The following C12orf56 variants were observed in gnomAD, a reference collection of about 807,000 sequenced individuals.
The protein encoded by C12orf56 is uncharacterized protein C12orf56.
Under a neutral mutation model 69.9 loss-of-function variants are expected in C12orf56, and 71 were observed. The ratio of observed to expected loss-of-function variants is 1.02; its 90% CI spans 0.84 to 1.24. C12orf56 has a LOEUF of 1.24. Among genes scored for constraint, C12orf56 ranks in the 50% most tolerant of loss-of-function variants. The pLI, the probability that C12orf56 is intolerant of heterozygous loss-of-function variation, is 0.00. For missense variants in C12orf56, 732 were observed against 738.5 expected (o/e 0.99, Z 0.10); for synonymous variants, 276 against 274.1 (o/e 1.01, Z -0.07).
At chr12:64,343,309 TCACTAGATCCAATCAG>T (rs1349243045) in intron 2 of C12orf56, among the ~76,000 whole-genome samples, 1 of 152,154 alleles carries the variant, frequency 6.6e-6, no homozygotes, top group Non-Finnish European at 1.5e-5. Flanking sequence ...TACTTCTTGC[TCACTAGATCCAATCAG>T]CATAATGTCA....
Position 64,312,667 on chromosome 12 carries a change from A to G in C12orf56, c.968+12T>C, listed in dbSNP as rs1364471496. On this transcript the variant is annotated intron_variant, in intron 5 of 12. Coordinates refer to ENST00000543942, the MANE Select transcript of C12orf56 (RefSeq NM_001170633.2). ...TCCCCATGCAACTCTATCATACATC[A>G]TCACTTCTTACCTATATGGCTTTTG... is the stretch of plus-strand genomic sequence containing the variant. 5.9e-6 allele frequency: 9 copies of G among 1,523,490 alleles called. No homozygotes were observed. The highest frequency in any genetic ancestry group is 5.9e-5 in the Admixed American group (3 of 50,886). 94.4% of individuals were successfully genotyped at this position (1,523,490 alleles called of 1,614,324 possible).
intron 6 of C12orf56, among the ~76,000 whole-genome samples, chr12:64,302,501 G>C (rs928693666): frequency 6.6e-6 from 1 of 152,164 alleles, no homozygotes; most frequent in Non-Finnish European, 1.5e-5. Flanking sequence ...GTATGGTTGG[G>C]AGTTCACATG....
At chr12:64,281,844 AAG>A in intron 8 of C12orf56, among the ~76,000 whole-genome samples, 2 of 152,336 alleles carry the variant, frequency 1.3e-5, no homozygotes, top group South Asian at 4.1e-4. Context: ...TTTAAAGAAA[AAG>A]AACAAAGAAA....
chr12:64,326,047 A>T lies in C12orf56; in HGVS notation c.488+4913T>A, dbSNP rs115817037. Among the ~76,000 whole-genome samples, 1,198 of 152,216 alleles carry T rather than the reference A, an allele frequency of 7.9e-3. 17 individuals are homozygous for T. Among genetic ancestry groups the T allele is most frequent in the African/African-American group, 0.027 (1,130 of 41,524 alleles). On this transcript the variant is annotated intron_variant, in intron 3 of 12. Transcript: ENST00000543942. ...TAATAGGGACCATATATACCCTTCT[A>T]CCTGAAACAACCAAAAATTGGACAA...
intron 2 of C12orf56, among the ~76,000 whole-genome samples, chr12:64,350,155 G>T (rs2039203460): frequency 6.6e-6 from 1 of 151,652 alleles, no homozygotes; most frequent in South Asian, 2.1e-4. Flanking sequence ...AAGGGTAGGA[G>T]GGAGGTGAGG....
chr12:64,270,468 G>A (rs978325514), intron 12 of C12orf56, 68 bp downstream of exon 12: 13 of 1,235,076 alleles, frequency 1.1e-5, no homozygotes, highest in Non-Finnish European at 8.8e-6. Context: ...GGACCATGTT[G>A]CAGGTTTGCA....
chr12:64,285,981 T>C lies in C12orf56; in HGVS notation c.1193A>G (p.Asn398Ser). ...PESRDKNALQ[N>S]QSQRVDELVA... The stretch of plus-strand genomic sequence containing the variant: ...CAGCTCATCAACCCTTTGGCTTTGA[T>C]TTTGTAGTGCATTCTTATCCCTAGA... The change falls in exon 7 of 13, where the codon AAT becomes AGT. Residue 398 changes from asparagine (N) to serine (S), a missense_variant. Coordinates refer to ENST00000543942, the MANE Select transcript of C12orf56 (RefSeq NM_001170633.2). 6.2e-7 allele frequency: 1 copy of C among 1,608,074 alleles called. No individual in the cohort carries two copies. Among genetic ancestry groups the C allele is most frequent in the Non-Finnish European group, 8.5e-7 (1 of 1,175,968 alleles).
chr12:64,348,578 G>C (rs1175554112), intron 2 of C12orf56, among the ~76,000 whole-genome samples: 1 of 152,134 alleles, frequency 6.6e-6, no homozygotes, highest in Non-Finnish European at 1.5e-5. Context: ...CTAGCTTTTG[G>C]ATGCTACAGA....
At chr12:64,348,226 T>G (rs530308756) in intron 2 of C12orf56, among the ~76,000 whole-genome samples, 2 of 152,076 alleles carry the variant, frequency 1.3e-5, no homozygotes, top group Non-Finnish European at 2.9e-5. Flanking sequence ...TGCAGTGAGC[T>G]GAGATCATGC....
chr12:64,270,723 G>A lies in C12orf56; in HGVS notation c.1585-9C>T. 1.3e-6 allele frequency: 2 copies of A among 1,593,668 alleles called. No homozygotes were observed. The highest frequency in any genetic ancestry group is 1.7e-6 in the Non-Finnish European group (2 of 1,172,138). On this transcript the variant is annotated splice_polypyrimidine_tract_variant and intron_variant, in intron 11 of 12. Coordinates refer to ENST00000543942, the MANE Select transcript of C12orf56 (RefSeq NM_001170633.2). ...CTGGCCACAAAAGTAATCTAGACAA[G>A]GAAAATACAGTTACATGTAGGCTGT...
chr12:64,342,254 C>T (rs911971749), intron 2 of C12orf56, among the ~76,000 whole-genome samples: 1 of 152,244 alleles, frequency 6.6e-6, no homozygotes, highest in Admixed American at 6.5e-5. Flanking sequence ...TGCAATCGTA[C>T]ATCTGGCCAT....
At chr12:64,378,284 G>A (rs930408172) in intron 1 of C12orf56, among the ~76,000 whole-genome samples, 1 of 152,146 alleles carries the variant, frequency 6.6e-6, no homozygotes, top group African/African-American at 2.4e-5. Flanking sequence ...TGTGAAAAGT[G>A]GCATGTATCA....
At chr12:64,338,490 T>G (rs1398414549) in intron 2 of C12orf56, 5 of 963,174 alleles carry the variant, frequency 5.2e-6, no homozygotes, top group African/African-American at 1.6e-5. Context: ...CAAACAATCA[T>G]TCAGGGCTCC....
At chr12:64,311,972 A>G (rs2038622701) in intron 5 of C12orf56, among the ~76,000 whole-genome samples, 1 of 152,200 alleles carries the variant, frequency 6.6e-6, no homozygotes, top group Admixed American at 6.5e-5. Context: ...AAAGAAGTGG[A>G]TGTTATCCAG....
chr12:64,294,939 C>T (rs1229292129), intron 6 of C12orf56, among the ~76,000 whole-genome samples: 2 of 150,946 alleles, frequency 1.3e-5, no homozygotes, highest in East Asian at 1.9e-4. Flanking sequence ...CTTGCTCTGT[C>T]GCCCAGGCTG....
At chr12:64,376,889 G>T (rs569374503) in intron 1 of C12orf56, among the ~76,000 whole-genome samples, 1 of 151,968 alleles carries the variant, frequency 6.6e-6, no homozygotes, top group Non-Finnish European at 1.5e-5. Flanking sequence ...GTCCTGGCTG[G>T]AGTGCAGCGG....
intron 2 of C12orf56, among the ~76,000 whole-genome samples, chr12:64,344,231 T>C (rs2039112248): frequency 6.6e-6 from 1 of 152,202 alleles, no homozygotes. Context: ...TTGTTGGTAA[T>C]GTAGTGGGGT....
In C12orf56 at chr12:64,284,686, G is replaced by A. The variant is rs775725664; in HGVS notation, c.1288C>T (p.Leu430=). 1.2e-6 allele frequency: 2 copies of A among 1,612,352 alleles called. No individual in the cohort carries two copies. The highest frequency in any genetic ancestry group is 8.5e-7 in the Non-Finnish European group (1 of 1,179,338). Reference sequence around the variant, plus strand: ...TACTTCTTAGCTGCCAATGTGTTCAGGCGTGATGACTCGGTTTCTGTTTCT... The same window carrying A: ...TACTTCTTAGCTGCCAATGTGTTCAAGCGTGATGACTCGGTTTCTGTTTCT... ...FRETETESSR[L]NTLAAKKGAL... is the part of the protein sequence containing the mutation. The change falls in exon 8 of 13, where the codon CTG becomes TTG. Residue 430 remains leucine, a synonymous_variant. Transcript: ENST00000543942.
At chr12:64,341,161 C>T (rs762452297) in intron 2 of C12orf56, among the ~76,000 whole-genome samples, 1 of 152,084 alleles carries the variant, frequency 6.6e-6, no homozygotes, top group Non-Finnish European at 1.5e-5. Flanking sequence ...TTAATGAAAT[C>T]GTTGTTGTGT....
Sources: allele counts gnomAD v4.1 joint callset (sites outside exome capture counted in the v4.1 genomes callset), GRCh38; gene constraint gnomAD v4.1.1; transcripts MANE v1.5; gene names NCBI Gene and HGNC (gene_info 2026-07-23, HGNC 2026-07-21).